Variants in SLC35F1 observed in about 807,000 individuals in gnomAD.
The protein encoded by SLC35F1 is chromosome 6 open reading frame 169.
A neutral mutation model predicts 48.7 loss-of-function variants in SLC35F1; 14 were observed. The observed-to-expected ratio is 0.29, with a 90% CI of 0.19 to 0.45. The LOEUF (loss-of-function observed/expected upper bound fraction) is 0.45, where lower values mean the gene tolerates loss of function less well. Ranked by LOEUF, SLC35F1 falls within the 20% of genes least tolerant of loss-of-function variation. The pLI is 1.00. For missense variants in SLC35F1, 404 were observed against 500.0 expected (o/e 0.81, Z 1.83); for synonymous variants, 190 against 202.2 (o/e 0.94, Z 0.51).
Position 118,297,661 on chromosome 6 carries a change from TA to T in SLC35F1, c.1002+12325del, listed in dbSNP as rs1264728354. The stretch of plus-strand genomic sequence containing the variant: ...ATAAAAAATATATATATAATATATA[TA>T]ATATTATATAAGTTCTGAGAAATAT... On this transcript the variant is annotated intron_variant, in intron 7 of 7. Coordinates refer to ENST00000360388, the MANE Select transcript of SLC35F1 (RefSeq NM_001029858.4). 5.6e-3 allele frequency among the ~76,000 whole-genome samples: 727 copies of T among 130,936 alleles called. 16 individuals carry two copies. Among genetic ancestry groups the T allele is most frequent in the African/African-American group, 0.021 (667 of 31,792 alleles). 85.9% of individuals were successfully genotyped at this position (130,936 alleles called of 152,430 possible). A position where few individuals can be genotyped will look rare whatever the true frequency, so the allele number is the denominator to read the frequency against.
chr6:118,091,066 C>G (rs553183939), intron 1 of SLC35F1, among the ~76,000 whole-genome samples: 2 of 152,236 alleles, frequency 1.3e-5, no homozygotes, highest in Non-Finnish European at 2.9e-5. Flanking sequence ...TAAGTTCTTG[C>G]TTTTTAAGCA....
intron 2 of SLC35F1, among the ~76,000 whole-genome samples, chr6:118,230,198 G>T (rs1175004006): frequency 6.6e-6 from 1 of 151,940 alleles, no homozygotes; most frequent in Non-Finnish European, 1.5e-5. Context: ...AAATTAGCTG[G>T]GCATAGTGGC....
intron 1 of SLC35F1, among the ~76,000 whole-genome samples, chr6:117,977,541 A>AT (rs1203546411): frequency 6.6e-5 from 10 of 151,184 alleles, no homozygotes; most frequent in African/African-American, 1.9e-4. Flanking sequence ...TTCATTGTCC[A>AT]TTTTTTTTCC....
intron 1 of SLC35F1, among the ~76,000 whole-genome samples, chr6:118,118,409 T>C (rs1015841492): frequency 6.6e-6 from 1 of 152,212 alleles, no homozygotes. Context: ...CTTGTTACCA[T>C]GGAAAATCAG....
At chr6:118,015,049 T>G (rs949954155) in intron 1 of SLC35F1, among the ~76,000 whole-genome samples, 6 of 152,184 alleles carry the variant, frequency 3.9e-5, no homozygotes, top group African/African-American at 1.2e-4. Flanking sequence ...TCTCATGACA[T>G]CTCATGGTTT....
chr6:118,266,708 C>T (rs1192018207), intron 3 of SLC35F1, among the ~76,000 whole-genome samples: 1 of 152,150 alleles, frequency 6.6e-6, no homozygotes, highest in East Asian at 1.9e-4. Context: ...GCAGAGCTGC[C>T]CCAGCACCTG....
chr6:118,164,713 T>G (rs1172644590), intron 2 of SLC35F1, among the ~76,000 whole-genome samples: 1 of 152,244 alleles, frequency 6.6e-6, no homozygotes, highest in Non-Finnish European at 1.5e-5. Context: ...TTGGATTTTA[T>G]ACATGTAACC....
chr6:117,978,747 C>T (rs1306264779), intron 1 of SLC35F1, among the ~76,000 whole-genome samples: 4 of 152,108 alleles, frequency 2.6e-5, no homozygotes, highest in Admixed American at 6.5e-5. Flanking sequence ...TCAGATTTAG[C>T]AAATAAAAAT....
In SLC35F1 at chr6:118,064,299, A is replaced by G. The variant is rs570639961; in HGVS notation, c.174-90146A>G. The stretch of plus-strand genomic sequence containing the variant: ...TTCAAGATGAGATTTGGGTGGGGAC[A>G]CAGCCAAACTGTATGACAAACTGAT... On this transcript the variant is annotated intron_variant, in intron 1 of 7. Coordinates refer to ENST00000360388, the MANE Select transcript of SLC35F1 (RefSeq NM_001029858.4). Among the ~76,000 whole-genome samples the G allele has an allele frequency of 3.3e-5, 5 of 152,354 alleles. No homozygotes were observed. The East Asian group carries it at 7.7e-4, about 24-fold the overall frequency.
At chr6:118,168,650 A>G (rs1007293831) in intron 2 of SLC35F1, among the ~76,000 whole-genome samples, 2 of 152,154 alleles carry the variant, frequency 1.3e-5, no homozygotes, top group African/African-American at 4.8e-5. Context: ...CTTTACGAGC[A>G]GTTATATATA....
At chr6:118,158,131 T>G (rs1774172576) in intron 2 of SLC35F1, among the ~76,000 whole-genome samples, 1 of 152,212 alleles carries the variant, frequency 6.6e-6, no homozygotes, top group South Asian at 2.1e-4. Context: ...TGGAGATTTT[T>G]ACCATTGCCT....
chr6:118,288,348 C>T (rs1011498018), intron 7 of SLC35F1, among the ~76,000 whole-genome samples: 1 of 152,076 alleles, frequency 6.6e-6, no homozygotes, highest in Non-Finnish European at 1.5e-5. Context: ...TGGGGAACAG[C>T]TTGCTTTTTA....
At chr6:118,152,643 A>G (rs1001721190) in intron 1 of SLC35F1, among the ~76,000 whole-genome samples, 2 of 152,206 alleles carry the variant, frequency 1.3e-5, no homozygotes, top group African/African-American at 4.8e-5. Flanking sequence ...TTATGAGGGC[A>G]GAAAATGGAA....
At chr6:118,187,010 CTCTCATTCTATCTCTCTA>C (rs1159106093) in intron 2 of SLC35F1, among the ~76,000 whole-genome samples, 1 of 152,198 alleles carries the variant, frequency 6.6e-6, no homozygotes, top group Non-Finnish European at 1.5e-5. Context: ...GCCCAACTGT[CTCTCATTCTATCTCTCTA>C]TCTCATTCTA....
At chr6:117,920,004 A>G (rs1775876147) in intron 1 of SLC35F1, among the ~76,000 whole-genome samples, 1 of 152,204 alleles carries the variant, frequency 6.6e-6, no homozygotes, top group Non-Finnish European at 1.5e-5. Context: ...CTCAGAGGGA[A>G]GGGACAGAGC....
chr6:118,234,418 G>GTACTGTAC (rs1403240044), intron 2 of SLC35F1, among the ~76,000 whole-genome samples: 2 of 152,164 alleles, frequency 1.3e-5, no homozygotes, highest in Non-Finnish European at 2.9e-5. Context: ...TTTTGAGGCA[G>GTACTGTAC]TACTGTACAA....
chr6:118,195,533 GA>G (rs1448417652), intron 2 of SLC35F1, among the ~76,000 whole-genome samples: 1 of 151,924 alleles, frequency 6.6e-6, no homozygotes. Flanking sequence ...AAGTGCACAA[GA>G]AAAGTGAAAT....
At chr6:118,041,969 C>T (rs1165932112) in intron 1 of SLC35F1, among the ~76,000 whole-genome samples, 1 of 151,862 alleles carries the variant, frequency 6.6e-6, no homozygotes, top group Non-Finnish European at 1.5e-5. Context: ...ATCATCTGTA[C>T]TTAAACTTTT....
At chr6:118,025,693 T>A (rs920151935) in intron 1 of SLC35F1, among the ~76,000 whole-genome samples, 3 of 152,200 alleles carry the variant, frequency 2.0e-5, no homozygotes, top group African/African-American at 7.2e-5. Context: ...TATATTTTAT[T>A]TTTGATTATA....
Sources: allele counts gnomAD v4.1 joint callset (sites outside exome capture counted in the v4.1 genomes callset), GRCh38; gene constraint gnomAD v4.1.1; transcripts MANE v1.5; gene names NCBI Gene and HGNC (gene_info 2026-07-23, HGNC 2026-07-21).